TNS1: variants seen among roughly 807,000 people sequenced by gnomAD.
The protein encoded by TNS1 is tensin-1.
TNS1 carries 62 observed loss-of-function variants against 168.6 expected under a neutral mutation model. The observed-to-expected ratio is 0.37, with a 90% CI of 0.30 to 0.45. The LOEUF (loss-of-function observed/expected upper bound fraction) is 0.45. TNS1 is among the 20% of genes least tolerant of loss of function. TNS1 has a pLI of 1.00. For missense variants in TNS1, 2,240 were observed against 2,339.4 expected, an observed-to-expected ratio of 0.96 and a Z score of 0.88; for synonymous variants, 934 against 933.2, an observed-to-expected ratio of 1.00 and a Z score of -0.02.
intron 3 of TNS1, among the ~76,000 whole-genome samples, chr2:217,940,879 C>G (rs142443119): frequency 3.7e-4 from 57 of 152,266 alleles, no homozygotes; most frequent in African/African-American, 1.4e-3. Flanking sequence ...TTGGGGAAAG[C>G]TTTGGCCCCA....
upstream of TNS1, among the ~76,000 whole-genome samples, chr2:218,011,529 G>T (rs1958706264): frequency 2.0e-5 from 3 of 152,136 alleles, no homozygotes. Context: ...TCCCCCTGGG[G>T]CTGGGCTGCC....
At chr2:217,909,695 C>T (rs1954138675) in intron 4 of TNS1, among the ~76,000 whole-genome samples, 1 of 152,196 alleles carries the variant, frequency 6.6e-6, no homozygotes, top group Non-Finnish European at 1.5e-5. Context: ...CAACCAGCCT[C>T]AGCTAACAGC....
chr2:217,926,978 G>A (rs924246072), intron 3 of TNS1, among the ~76,000 whole-genome samples: 3 of 152,200 alleles, frequency 2.0e-5, no homozygotes, highest in East Asian at 1.9e-4. Context: ...AAACTCAGGG[G>A]CCCCAGGCAG....
At chr2:217,952,396 T>C (rs1283213973) in intron 3 of TNS1, among the ~76,000 whole-genome samples, 1 of 152,172 alleles carries the variant, frequency 6.6e-6, no homozygotes, top group Non-Finnish European at 1.5e-5. Flanking sequence ...TTAACCACTA[T>C]GTCATATTGC....
At chr2:217,978,859 C>G (rs966464432) in intron 2 of TNS1, 57 bp from the exon 3 acceptor site, 1 of 701,584 alleles carries the variant, frequency 1.4e-6, no homozygotes, top group African/African-American at 1.7e-5. Flanking sequence ...GAAATGGAAA[C>G]TCCGCGAAAT....
intron 18 of TNS1, among the ~76,000 whole-genome samples, chr2:217,856,185 C>T (rs138024677): frequency 2.6e-5 from 4 of 152,270 alleles, no homozygotes; most frequent in South Asian, 2.1e-4. Flanking sequence ...GGAAATGGGG[C>T]GGCACACTGA....
chr2:217,946,295 A>T (rs773249582), intron 3 of TNS1, among the ~76,000 whole-genome samples: 2 of 152,140 alleles, frequency 1.3e-5, no homozygotes, highest in Non-Finnish European at 2.9e-5. Context: ...ACGCCCTGAC[A>T]TGCAGTGGGT....
intron 18 of TNS1, chr2:217,858,533 C>A: frequency 1.0e-6 from 1 of 985,970 alleles, no homozygotes; most frequent in Non-Finnish European, 1.2e-6. Flanking sequence ...CGGAGGGAAG[C>A]CCGCTCTGAT....
intron 21 of TNS1, among the ~76,000 whole-genome samples, chr2:217,832,024 G>A (rs1464734055): frequency 6.6e-6 from 1 of 151,936 alleles, no homozygotes; most frequent in East Asian, 1.9e-4. Context: ...GAAGAGAACA[G>A]AAGAAAATTG....
chr2:217,876,683 A>G (rs1172260165), intron 18 of TNS1, among the ~76,000 whole-genome samples: 1 of 152,118 alleles, frequency 6.6e-6, no homozygotes, highest in Non-Finnish European at 1.5e-5. Flanking sequence ...TAAAGAGGCA[A>G]TTAAGGTGAA....
At chr2:217,830,376 T>G (rs2125274779) in intron 22 of TNS1, 1 of 1,614,146 alleles carries the variant, frequency 6.2e-7, no homozygotes, top group East Asian at 2.2e-5. Context: ...CCTGGCTGGA[T>G]CCGTCTTCTG....
In TNS1 at chr2:217,842,272, C is replaced by A. The variant is rs183036173; in HGVS notation, c.3007+5238G>T. The A allele has an allele frequency of 3.6e-4, 203 of 567,596 alleles. 2 individuals are homozygous for A. The highest frequency in any genetic ancestry group is 5.6e-5 in the Non-Finnish European group (18 of 319,440). The allele number at this position is 567,596 out of a possible 1,614,324, so 35.2% of individuals were successfully genotyped here. On this transcript the variant is annotated intron_variant, in intron 19 of 32. Transcript: ENST00000682258. ...GTTCCAGCCTCTTCTCCTTAAACTCCTGACTCATTTATCCAACCACTGCAG... is the reference window on the plus strand; with the variant it reads ...GTTCCAGCCTCTTCTCCTTAAACTCATGACTCATTTATCCAACCACTGCAG...
In TNS1 at chr2:217,812,443, A is replaced by C. The variant is rs758120076; in HGVS notation, c.4957T>G (p.Ser1653Ala). 2 of 1,614,068 alleles carry C rather than the reference A, an allele frequency of 1.2e-6. No homozygotes were observed. Among genetic ancestry groups the C allele is most frequent in the Admixed American group, 3.3e-5 (2 of 60,000 alleles). ...TGCTGGTAGACCAGGGCAGACAGCG[A>C]TCCTGTAGGGAGGCAGACGGCATGT... ...KGCPNEPNFG[S>A]LSALVYQHSI... The change falls in exon 28 of 33, where the codon TCG (serine) becomes GCG (alanine). Residue 1653 changes from serine (S) to alanine (A), a missense_variant and splice_region_variant. Around this residue, in one of 2 missense-constraint regions of TNS1, gnomAD observed 2,131 missense variants for 2,171.2 expected, o/e 0.98. Coordinates refer to ENST00000682258, the MANE Select transcript of TNS1 (RefSeq NM_001387777.1).
At chr2:217,806,802 A>C (rs1939205729) in intron 32 of TNS1, among the ~76,000 whole-genome samples, 1 of 152,070 alleles carries the variant, frequency 6.6e-6, no homozygotes, top group Non-Finnish European at 1.5e-5. Flanking sequence ...TCCAGCCTCC[A>C]TTCTCTCATT....
At chr2:217,938,683 C>T (rs573761156) in intron 3 of TNS1, among the ~76,000 whole-genome samples, 2 of 152,304 alleles carry the variant, frequency 1.3e-5, no homozygotes, top group South Asian at 2.1e-4. Flanking sequence ...TGGGAGTCTC[C>T]GATTCTGTGA....
chr2:217,803,825 C>T lies in TNS1; in HGVS notation c.*634G>A, dbSNP rs1390033644. 1 of 152,838 alleles carries T rather than the reference C, an allele frequency of 6.5e-6. No homozygotes were observed. Among genetic ancestry groups the T allele is most frequent in the African/African-American group, 2.4e-5 (1 of 41,420 alleles). 9.5% of individuals were successfully genotyped at this position (152,838 alleles called of 1,614,324 possible). On this transcript the variant is annotated 3_prime_UTR_variant, in exon 33 of 33. Coordinates refer to ENST00000682258, the MANE Select transcript of TNS1 (RefSeq NM_001387777.1). ...AGGACAAGCCGAGCTGTTTATAATTCGAGTGGATAAAGGCAGATCTAGATC... is the reference window on the plus strand; with the variant it reads ...AGGACAAGCCGAGCTGTTTATAATTTGAGTGGATAAAGGCAGATCTAGATC...
intron 4 of TNS1, among the ~76,000 whole-genome samples, chr2:217,911,485 C>A (rs1057186751): frequency 2.6e-5 from 4 of 152,268 alleles, no homozygotes; most frequent in Non-Finnish European, 4.4e-5. Context: ...AGAGGCCTCA[C>A]TCTCTGGCCC....
chr2:218,025,907 G>A (rs553637942), intron 1 of TNS1, among the ~76,000 whole-genome samples: 7 of 152,102 alleles, frequency 4.6e-5, no homozygotes, highest in South Asian at 4.2e-4. Context: ...AACTCCTCTC[G>A]GAGTGCAATG....
intron 1 of TNS1, among the ~76,000 whole-genome samples, chr2:218,022,057 G>A (rs1010238584): frequency 6.6e-5 from 10 of 152,256 alleles, no homozygotes; most frequent in South Asian, 4.1e-4. Context: ...CACTGGCATC[G>A]GGGGGCGAGG....
Sources: gnomAD v4.1 joint callset for allele counts (sites outside exome capture counted in the v4.1 genomes callset) on GRCh38, gnomAD v4.1.1 for gene constraint, gnomAD v4.1.1 regional missense constraint, MANE v1.5 for transcripts, NCBI Gene and HGNC (gene_info 2026-07-23, HGNC 2026-07-21) for gene names.